The following MMUT variants were observed in gnomAD, a reference collection of about 807,000 sequenced individuals.
MMUT encodes the protein methylmalonyl-CoA mutase, mitochondrial.
Under a neutral mutation model 79.9 loss-of-function variants are expected in MMUT, and 79 were observed. That is an observed-to-expected ratio of 0.99 (90% CI 0.82 to 1.19). MMUT has a LOEUF of 1.19. MMUT is among the 50% of genes most tolerant of loss of function. The pLI is 0.00. For synonymous variants in MMUT, 273 were observed against 295.7 expected (o/e 0.92, Z 0.79); for missense variants, 860 against 917.2 (o/e 0.94, Z 0.81).
At chr6:49,452,371 T>C (rs1462184239) in intron 5 of MMUT, among the ~76,000 whole-genome samples, 1 of 152,162 alleles carries the variant, frequency 6.6e-6, no homozygotes, top group Non-Finnish European at 1.5e-5. Flanking sequence ...CTCGCTCTGT[T>C]GCCCAGGCTG....
intron 11 of MMUT, among the ~76,000 whole-genome samples, chr6:49,436,436 C>T (rs1201001913): frequency 6.6e-6 from 1 of 151,790 alleles, no homozygotes. Flanking sequence ...TGAAACCCAT[C>T]TCTACTAAAA....
At position 49,431,536 on chromosome 6, in the gene MMUT, TA is replaced by T; in HGVS notation, c.*191del. ...AGAGAGTTTTTAGGGATTTTTTTTT[TA>T]TTTTTGAAGTGAAACTGTATGTACA... On this transcript the variant is annotated 3_prime_UTR_variant, in exon 13 of 13. Coordinates refer to ENST00000274813, the MANE Select transcript of MMUT (RefSeq NM_000255.4). 1 of 481,544 alleles carries T rather than the reference TA, an allele frequency of 2.1e-6. No homozygotes were observed. Among genetic ancestry groups the T allele is most frequent in the Non-Finnish European group, 3.7e-6 (1 of 267,900 alleles). The allele number at this position is 481,544 out of a possible 1,614,324, so 29.8% of individuals were successfully genotyped here.
chr6:49,437,002 AC>A (rs952023977), intron 11 of MMUT, among the ~76,000 whole-genome samples: 1 of 151,522 alleles, frequency 6.6e-6, no homozygotes, highest in Non-Finnish European at 1.5e-5. Context: ...ACTAGGCTTA[AC>A]AACACAAGTT....
intron 1 of MMUT, 77 bp from the exon 2 acceptor site, chr6:49,459,582 A>G: frequency 8.9e-7 from 1 of 1,124,946 alleles, no homozygotes; most frequent in Non-Finnish European, 1.3e-6. Flanking sequence ...AAAGGAACAG[A>G]AAAGAAAGAG....
intron 8 of MMUT, among the ~76,000 whole-genome samples, chr6:49,446,425 A>C (rs1767411395): frequency 6.6e-6 from 1 of 151,932 alleles, no homozygotes; most frequent in Non-Finnish European, 1.5e-5. Context: ...GGTCCTAAGA[A>C]AGTTCAAAAC....
chr6:49,446,280 G>A (rs998114614), intron 8 of MMUT, among the ~76,000 whole-genome samples: 6 of 151,866 alleles, frequency 4.0e-5, no homozygotes, highest in African/African-American at 1.2e-4. Flanking sequence ...AAAGGAAAGC[G>A]TAAGAAAATA....
chr6:49,448,615 A>G (rs111244693), intron 7 of MMUT, among the ~76,000 whole-genome samples: 8 of 152,242 alleles, frequency 5.3e-5, no homozygotes, highest in African/African-American at 1.9e-4. Flanking sequence ...ACATCCACAC[A>G]CACTTTGTAC....
At chr6:49,445,012 G>C (rs1335419690) in intron 8 of MMUT, among the ~76,000 whole-genome samples, 1 of 151,356 alleles carries the variant, frequency 6.6e-6, no homozygotes, top group South Asian at 2.1e-4. Context: ...GGCAATAATA[G>C]TGCTGACCTT....
intron 11 of MMUT, among the ~76,000 whole-genome samples, chr6:49,439,041 G>A (rs1581820651): frequency 6.6e-6 from 1 of 152,220 alleles, no homozygotes; most frequent in African/African-American, 2.4e-5. Flanking sequence ...AGAGAAGGCA[G>A]GGTGGCAGGA....
At chr6:49,438,059 C>T (rs150026009) in intron 11 of MMUT, among the ~76,000 whole-genome samples, 1,772 of 151,802 alleles carry the variant, frequency 0.012, 16 homozygotes, top group South Asian at 0.02. Flanking sequence ...AAATTTCATA[C>T]GATGTAATTA....
Position 49,431,855 on chromosome 6 carries a change from T to C in MMUT, c.2126A>G (p.Asp709Gly). The C allele has an allele frequency of 6.2e-7, 1 of 1,613,330 alleles. No individual in the cohort carries two copies. The highest frequency in any genetic ancestry group is 8.5e-7 in the Non-Finnish European group (1 of 1,179,366). The change falls in exon 13 of 13, where the codon GAT becomes GGT. Residue 709 changes from aspartate to glycine, a missense_variant and splice_region_variant. Transcript: ENST00000274813. ...VMCGGVIPPQDYEFLFEVGVS... is the reference protein window; with the variant it reads ...VMCGGVIPPQGYEFLFEVGVS... ...ACCAACTTCAAACAGAAATTCATAA[T>C]CCTGTTGAAAGAATGTGTTTAATTA...
intron 1 of MMUT, among the ~76,000 whole-genome samples, chr6:49,461,343 G>T (rs573282604): frequency 1.3e-5 from 2 of 152,150 alleles, no homozygotes; most frequent in Non-Finnish European, 2.9e-5. Context: ...AGTTAAAAAT[G>T]TGTTATGCAT....
rs1167151157 is a variant in MMUT, at chr6:49,459,286, A to G, written c.181T>C (p.Trp61Arg). Reference sequence around the variant, plus strand: ...ATAGAGATCCCTTCCGGGGTGTGCCATATTAGGTCTTCTGGGTTTTTGCCT... The same window carrying G: ...ATAGAGATCCCTTCCGGGGTGTGCCGTATTAGGTCTTCTGGGTTTTTGCCT... ...LKGKNPEDLI[W>R]HTPEGISIKP... The change falls in exon 2 of 13, where the codon TGG becomes CGG. Residue 61 changes from tryptophan (W) to arginine (R), a missense_variant. Trp to Arg is a moderately radical substitution (Grantham distance 101). Transcript: ENST00000274813. 3.1e-6 allele frequency: 5 copies of G among 1,614,014 alleles called. No individual in the cohort carries two copies. Among genetic ancestry groups the G allele is most frequent in the Non-Finnish European group, 3.4e-6 (4 of 1,180,030 alleles).
At chr6:49,451,946 T>C (rs2127418053) in intron 5 of MMUT, among the ~76,000 whole-genome samples, 1 of 152,340 alleles carries the variant, frequency 6.6e-6, no homozygotes, top group Admixed American at 6.5e-5. Context: ...GATATTGTTG[T>C]GCTTACTTTT....
Position 49,458,026 on chromosome 6 carries a change from G to A in MMUT, c.418C>T (p.Leu140=). 1.2e-6 allele frequency: 2 copies of A among 1,602,338 alleles called. No individual in the cohort carries two copies. The highest frequency in any genetic ancestry group is 2.2e-5 in the East Asian group (1 of 44,858). Residue 140 remains leucine, a synonymous_variant, in exon 3 of 13, where the codon CTG becomes TTG. Coordinates refer to ENST00000274813, the MANE Select transcript of MMUT (RefSeq NM_000255.4). ...GAATCATAGCCACGATGTGTCGCCA[G>A]ATCAAAGGCAACTGATAATCCCTGC... ...GQQGLSVAFD[L]ATHRGYDSDN... is the part of the protein sequence containing the mutation.
chr6:49,440,133 T>C, intron 11 of MMUT, 73 bp downstream of exon 11: 1 of 1,575,276 alleles, frequency 6.3e-7, no homozygotes, highest in Non-Finnish European at 8.7e-7. Context: ...ATGTCTGTCA[T>C]CATTTTACTA....
chr6:49,448,207 A>G (rs539660732), intron 7 of MMUT, among the ~76,000 whole-genome samples: 1 of 152,192 alleles, frequency 6.6e-6, no homozygotes, highest in South Asian at 2.1e-4. Flanking sequence ...AATCAAAATT[A>G]CAAAGATACT....
chr6:49,459,008 T>C (rs1368838805), intron 2 of MMUT, 74 bp downstream of exon 2: 2 of 1,433,690 alleles, frequency 1.4e-6, no homozygotes, highest in East Asian at 2.3e-5. Context: ...TTTACAGAGA[T>C]TAACCCCCAA....
intron 5 of MMUT, among the ~76,000 whole-genome samples, chr6:49,451,956 T>C (rs1012876632): frequency 6.6e-6 from 1 of 152,198 alleles, no homozygotes; most frequent in African/African-American, 2.4e-5. Flanking sequence ...TGCTTACTTT[T>C]ATATTGCCTA....
Sources: gnomAD v4.1 joint callset for allele counts (sites outside exome capture counted in the v4.1 genomes callset) on GRCh38, gnomAD v4.1.1 for gene constraint, MANE v1.5 for transcripts, NCBI Gene and HGNC (gene_info 2026-07-23, HGNC 2026-07-21) for gene names.